Variants in ANKRD36C observed in about 807,000 individuals in gnomAD.
The protein encoded by ANKRD36C is ankyrin repeat domain-containing protein 36C.
A neutral mutation model predicts 276.4 loss-of-function variants in ANKRD36C; 61 were observed. The observed-to-expected ratio is 0.22, with a 90% CI of 0.18 to 0.27. The LOEUF is 0.27. Ranked by LOEUF, ANKRD36C falls within the 10% of genes least tolerant of loss-of-function variation. ANKRD36C has a pLI of 1.00. For missense variants in ANKRD36C, 1,447 were observed against 2,032.3 expected (o/e 0.71, Z 5.54); for synonymous variants, 483 against 680.1 (o/e 0.71, Z 4.51).
intron 20 of ANKRD36C, among the ~76,000 whole-genome samples, chr2:95,939,902 T>C (rs562887505): frequency 2.0e-5 from 3 of 152,064 alleles, no homozygotes; most frequent in South Asian, 2.1e-4. Context: ...CATTCACTTA[T>C]GCAAAAAAAA....
chr2:95,939,286 A>T (rs1677806240), intron 20 of ANKRD36C, among the ~76,000 whole-genome samples: 1 of 152,424 alleles, frequency 6.6e-6, no homozygotes. Flanking sequence ...AACATAGAAA[A>T]GTATTTCTAC....
At chr2:95,864,988 ACAAT>A (rs1461060209) in intron 60 of ANKRD36C, among the ~76,000 whole-genome samples, 1 of 152,068 alleles carries the variant, frequency 6.6e-6, no homozygotes, top group East Asian at 1.9e-4. Context: ...CTAGTGATAA[ACAAT>A]CAAATGAAAA....
Position 95,865,559 on chromosome 2 carries a change from A to G in ANKRD36C, c.3682+1881T>C, listed in dbSNP as rs188323095. On this transcript the variant is annotated intron_variant, in intron 60 of 66. Transcript: ENST00000456556. ...TGGATTTTGGAATATTTGCATATAC[A>G]TGATGAGATATCTTGGGGATAGGAC... is the stretch of plus-strand genomic sequence containing the variant. Among the ~76,000 whole-genome samples the G allele has an allele frequency of 2.0e-5, 3 of 152,238 alleles. No individual in the cohort carries two copies. In the East Asian group the frequency reaches 5.8e-4, roughly 29 times the overall value.
In ANKRD36C at chr2:95,927,354, T is replaced by G. The variant is rs376624381; in HGVS notation, c.1866+27A>C. ...TTTCATAGACTATACAGTTAATAGT[T>G]CAACATATAAATGAGTCTTTAATTA... On this transcript the variant is annotated intron_variant, in intron 27 of 66. Transcript: ENST00000456556. 1.9e-6 allele frequency: 3 copies of G among 1,607,100 alleles called. No individual in the cohort carries two copies. The South Asian group carries it at 3.3e-5, about 18-fold the overall frequency.
chr2:95,987,739 A>G (rs1475169187), intron 1 of ANKRD36C, among the ~76,000 whole-genome samples: 2 of 149,850 alleles, frequency 1.3e-5, no homozygotes, highest in Admixed American at 1.4e-4. Context: ...CTCCTGCCTC[A>G]GCCTCCCGAG....
exon 30 of ANKRD36C, chr2:95,925,370 C>A (rs749782348): frequency 4.4e-6 from 7 of 1,579,862 alleles, no homozygotes; most frequent in South Asian, 1.2e-5. Context: ...GATTTCCCAC[C>A]GCCCGTTATT....
chr2:95,954,256 C>G (rs1678275142), intron 13 of ANKRD36C, among the ~76,000 whole-genome samples: 1 of 152,214 alleles, frequency 6.6e-6, no homozygotes, highest in African/African-American at 2.4e-5. Flanking sequence ...CAGACTCACC[C>G]TTAAACCCAT....
At chr2:95,855,764 A>G in exon 63 of ANKRD36C, 5 of 1,613,856 alleles carry the variant, frequency 3.1e-6, no homozygotes, top group Non-Finnish European at 4.2e-6. Context: ...GTAAATGACA[A>G]CATTTATCTA....
chr2:95,935,374 A>C, intron 24 of ANKRD36C, 80 bp downstream of exon 24: 1 of 1,298,704 alleles, frequency 7.7e-7, no homozygotes, highest in East Asian at 2.6e-5. Context: ...GGGTAAAAGA[A>C]GTAAGAATCA....
At chr2:95,929,216 C>T (rs1322575986) in intron 25 of ANKRD36C, 23 bp downstream of exon 25, 4 of 1,593,640 alleles carry the variant, frequency 2.5e-6, no homozygotes, top group Non-Finnish European at 3.4e-6. Flanking sequence ...AATAGTTCAA[C>T]ATATAAATGA....
chr2:95,887,799 G>A (rs1409565528), intron 50 of ANKRD36C, 126 bp downstream of exon 70: 4 of 1,212,040 alleles, frequency 3.3e-6, no homozygotes, highest in Admixed American at 2.4e-5. Flanking sequence ...TATTAAAAAT[G>A]AAGAATGTCA....
chr2:95,931,248 A>G lies in ANKRD36C; in HGVS notation c.1736-1981T>C, dbSNP rs1463242014. Among the ~76,000 whole-genome samples, 6 of 151,632 alleles carry G rather than the reference A, an allele frequency of 4.0e-5. No individual in the cohort carries two copies. The East Asian group carries it at 1.2e-3, about 30-fold the overall frequency. On this transcript the variant is annotated intron_variant, in intron 24 of 66. Transcript: ENST00000456556. ...CATGTACAAATTCCTTCTTCACAAA[A>G]GCAGCCCCATTGCCTCCTCTCTCCC...
chr2:95,891,606 GA>G, intron 46 of ANKRD36C, 58 bp downstream of exon 66: 1 of 1,517,678 alleles, frequency 6.6e-7, no homozygotes. Context: ...TTTATTCAGG[GA>G]AGAGAATTTC....
chr2:95,932,418 T>C (rs578047600), intron 24 of ANKRD36C, among the ~76,000 whole-genome samples: 1 of 152,214 alleles, frequency 6.6e-6, no homozygotes, highest in African/African-American at 2.4e-5. Context: ...TATATATCAC[T>C]GATTTTACAA....
chr2:95,861,745 A>G (rs2442206), intron 60 of ANKRD36C, among the ~76,000 whole-genome samples: 2 of 152,166 alleles, frequency 1.3e-5, no homozygotes, highest in African/African-American at 2.4e-5. Flanking sequence ...AACTATATCA[A>G]TAATCACATT....
At chr2:95,958,220 C>T (rs7594898) in intron 12 of ANKRD36C, among the ~76,000 whole-genome samples, 7,579 of 151,990 alleles carry the variant, frequency 0.05, 339 homozygotes, top group East Asian at 0.18. Flanking sequence ...TTCTTCCCTC[C>T]GGTTTTAGCA....
intron 17 of ANKRD36C, among the ~76,000 whole-genome samples, chr2:95,946,116 A>G (rs1199251829): frequency 6.9e-6 from 1 of 145,358 alleles, no homozygotes; most frequent in East Asian, 2.2e-4. Context: ...TGAAAGCTGA[A>G]ACATTCTTAC....
In ANKRD36C at chr2:95,851,893, C is replaced by A; in HGVS notation, c.5220-106G>T. 4 of 934,690 alleles carry A rather than the reference C, an allele frequency of 4.3e-6. No homozygotes were observed. The South Asian group carries it at 5.2e-5, about 12-fold the overall frequency. 57.9% of individuals were successfully genotyped at this position (934,690 alleles called of 1,614,324 possible). ...TATAATTACACAAATTCTTAGCAAT[C>A]ACAAAAGTAGACGATTGGGCTACTG... On this transcript the variant is annotated intron_variant, in intron 65 of 66. Coordinates refer to ENST00000456556, the Ensembl canonical transcript of ANKRD36C.
chr2:95,885,678 C>G lies in ANKRD36C; in HGVS notation c.3163+370G>C, dbSNP rs138451615. On this transcript the variant is annotated intron_variant, in intron 52 of 66. Transcript: ENST00000456556. Reference sequence around the variant, plus strand: ...TGAGGTATTAGGATCACTTTTCCCTCCGTTTATAACAATATGATCTGACGC... The same window carrying G: ...TGAGGTATTAGGATCACTTTTCCCTGCGTTTATAACAATATGATCTGACGC... Among the ~76,000 whole-genome samples, 58 of 152,054 alleles carry G rather than the reference C, an allele frequency of 3.8e-4. No homozygotes were observed. In the East Asian group the frequency reaches 0.011, roughly 29 times the overall value.
Sources: allele counts gnomAD v4.1 joint callset (sites outside exome capture counted in the v4.1 genomes callset), GRCh38; gene constraint gnomAD v4.1.1; transcripts MANE v1.5; gene names NCBI Gene and HGNC (gene_info 2026-07-23, HGNC 2026-07-21).